CALCRL: variants seen among roughly 807,000 people sequenced by gnomAD.
The protein encoded by CALCRL is calcitonin gene-related peptide type 1 receptor.
A neutral mutation model predicts 60.4 loss-of-function variants in CALCRL; 27 were observed. That is an observed-to-expected ratio of 0.45 (90% confidence interval 0.33 to 0.62). The LOEUF (loss-of-function observed/expected upper bound fraction) is 0.62. CALCRL is among the 20% of genes least tolerant of loss of function. CALCRL has a pLI of 0.03. For synonymous variants in CALCRL, 190 were observed against 182.6 expected (o/e 1.04, Z -0.33); for missense variants, 424 against 540.7 (o/e 0.78, Z 2.14).
intron 5 of CALCRL, among the ~76,000 whole-genome samples, chr2:187,381,353 TTAAA>T (rs1687977953): frequency 6.6e-6 from 1 of 152,166 alleles, no homozygotes; most frequent in Non-Finnish European, 1.5e-5. Flanking sequence ...TTCTCCAAAA[TTAAA>T]TAAAGAACTT....
rs929968898 is a variant in CALCRL, at chr2:187,413,762, C to A, written c.-292-26006G>T. Among the ~76,000 whole-genome samples, 4 of 152,130 alleles carry A rather than the reference C, an allele frequency of 2.6e-5. No homozygotes were observed. In the East Asian group the frequency reaches 7.7e-4, roughly 29 times the overall value. Reference sequence around the variant, plus strand: ...GATGTAAAATACCAGAGAGGGAAATCCAGAGTTGCTTTGGTCACATTTACA... The same window carrying A: ...GATGTAAAATACCAGAGAGGGAAATACAGAGTTGCTTTGGTCACATTTACA... On this transcript the variant is annotated intron_variant, in intron 1 of 14. Coordinates refer to ENST00000392370, the MANE Select transcript of CALCRL (RefSeq NM_005795.6).
chr2:187,400,178 T>C (rs2105821625), intron 1 of CALCRL, among the ~76,000 whole-genome samples: 1 of 151,644 alleles, frequency 6.6e-6, no homozygotes, highest in African/African-American at 2.4e-5. Flanking sequence ...ACATTGTATG[T>C]ATTGAAATAT....
At chr2:187,405,531 C>T (rs1315406840) in intron 1 of CALCRL, among the ~76,000 whole-genome samples, 2 of 151,898 alleles carry the variant, frequency 1.3e-5, no homozygotes, top group African/African-American at 2.4e-5. Flanking sequence ...CTCATCATCC[C>T]GAGGACAGTA....
At chr2:187,425,034 T>A (rs1312141263) in intron 1 of CALCRL, among the ~76,000 whole-genome samples, 1 of 151,758 alleles carries the variant, frequency 6.6e-6, no homozygotes, top group Non-Finnish European at 1.5e-5. Context: ...AGTTTGGGGG[T>A]CTAATGGACT....
chr2:187,390,130 C>A (rs1443515951), intron 1 of CALCRL, among the ~76,000 whole-genome samples: 3 of 152,078 alleles, frequency 2.0e-5, no homozygotes, highest in Non-Finnish European at 4.4e-5. Flanking sequence ...TACAAGTCTA[C>A]TTTCTTACAA....
intron 1 of CALCRL, among the ~76,000 whole-genome samples, chr2:187,417,486 CT>C (rs1255666492): frequency 6.6e-6 from 1 of 152,004 alleles, no homozygotes; most frequent in African/African-American, 2.4e-5. Flanking sequence ...AAATATATGC[CT>C]GTGTTACAGA....
chr2:187,391,617 T>A (rs901426834), intron 1 of CALCRL, among the ~76,000 whole-genome samples: 3 of 152,146 alleles, frequency 2.0e-5, no homozygotes, highest in Non-Finnish European at 2.9e-5. Flanking sequence ...ATAGTTTCTA[T>A]AAGTACTATT....
At chr2:187,390,778 C>T (rs1688404506) in intron 1 of CALCRL, among the ~76,000 whole-genome samples, 1 of 152,028 alleles carries the variant, frequency 6.6e-6, no homozygotes, top group Admixed American at 6.6e-5. Context: ...CTTGTGTATT[C>T]CTAATCAAGG....
At chr2:187,406,318 CTA>C (rs1210876719) in intron 1 of CALCRL, among the ~76,000 whole-genome samples, 1 of 151,900 alleles carries the variant, frequency 6.6e-6, no homozygotes, top group South Asian at 2.1e-4. Flanking sequence ...TGTTTTAACT[CTA>C]TTTTATAAAA....
At position 187,424,722 on chromosome 2, in the gene CALCRL, G is replaced by A. The variant is rs111334834; in HGVS notation, c.-293+23317C>T. On this transcript the variant is annotated intron_variant, in intron 1 of 14. Transcript: ENST00000392370. The stretch of plus-strand genomic sequence containing the variant: ...AAGGAGAAATGGCAGATTTGAAACC[G>A]TGATAGGTATAAATGAATTGTGGTA... 1.8e-3 allele frequency among the ~76,000 whole-genome samples: 270 copies of A among 152,044 alleles called. 1 individual carries two copies. Among genetic ancestry groups the A allele is most frequent in the African/African-American group, 5.8e-3 (243 of 41,540 alleles).
intron 1 of CALCRL, among the ~76,000 whole-genome samples, chr2:187,397,167 C>T (rs567643569): frequency 2.2e-4 from 33 of 151,714 alleles, no homozygotes; most frequent in Non-Finnish European, 3.8e-4. Flanking sequence ...TATAAGTAAG[C>T]TTATTATACA....
intron 14 of CALCRL, among the ~76,000 whole-genome samples, chr2:187,350,437 A>G (rs1686475455): frequency 6.6e-6 from 1 of 151,454 alleles, no homozygotes; most frequent in African/African-American, 2.4e-5. Flanking sequence ...CATTCTGTCT[A>G]TGCTTCTCTG....
chr2:187,385,568 G>C lies in CALCRL; in HGVS notation c.28C>G (p.Leu10Val). 6.4e-7 allele frequency: 1 copy of C among 1,553,568 alleles called. No homozygotes were observed. Among genetic ancestry groups the C allele is most frequent in the Non-Finnish European group, 8.8e-7 (1 of 1,133,300 alleles). Residue 10 changes from leucine (L) to valine (V), a missense_variant, in exon 4 of 15, where the codon CTG becomes GTG. Physicochemically the swap from Leu to Val is conservative, Grantham distance 32 (BLOSUM62 1). This residue lies in a region of CALCRL where 108 missense variants were observed against 132.9 expected (regional missense o/e 0.81). Coordinates refer to ENST00000392370, the MANE Select transcript of CALCRL (RefSeq NM_005795.6). ...ACCATAAAAAAAGGCAAGAGAACCA[G>C]AAAATACAGGGTACACTTTTTCTCC... Reference protein sequence around the residue: MEKKCTLYFLVLLPFFMILV... With the variant: MEKKCTLYFVVLLPFFMILV...
At position 187,357,017 on chromosome 2, in the gene CALCRL, G is replaced by A. The variant is rs144629248; in HGVS notation, c.909+2046C>T. Among the ~76,000 whole-genome samples, 1,081 of 152,278 alleles carry A rather than the reference G, an allele frequency of 7.1e-3. 7 individuals carry two copies. Among genetic ancestry groups the A allele is most frequent in the African/African-American group, 7.4e-3 (309 of 41,560 alleles). On this transcript the variant is annotated intron_variant, in intron 12 of 14. Transcript: ENST00000392370. ...GTCAGGAAACAACAGATGCTGGAGAGGATGTGGAGAAATAAGAACACTTTT... is the reference window on the plus strand; with the variant it reads ...GTCAGGAAACAACAGATGCTGGAGAAGATGTGGAGAAATAAGAACACTTTT...
chr2:187,383,692 C>G (rs1688081993), intron 4 of CALCRL, among the ~76,000 whole-genome samples: 1 of 152,150 alleles, frequency 6.6e-6, no homozygotes, highest in Non-Finnish European at 1.5e-5. Flanking sequence ...TCCCCTCCCC[C>G]AAAGCCTCTG....
chr2:187,371,626 T>C (rs575322367), intron 8 of CALCRL, among the ~76,000 whole-genome samples: 1 of 152,020 alleles, frequency 6.6e-6, no homozygotes, highest in South Asian at 2.1e-4. Context: ...AGATTAATCA[T>C]GTGGGAGGCT....
intron 14 of CALCRL, among the ~76,000 whole-genome samples, chr2:187,347,231 T>G (rs1686318082): frequency 6.6e-6 from 1 of 151,814 alleles, no homozygotes; most frequent in African/African-American, 2.4e-5. Flanking sequence ...TGAGAACATT[T>G]AAATACATCT....
At position 187,363,160 on chromosome 2, in the gene CALCRL, G is replaced by A. The variant is rs536057772; in HGVS notation, c.627+216C>T. On this transcript the variant is annotated intron_variant, in intron 9 of 14. Coordinates refer to ENST00000392370, the MANE Select transcript of CALCRL (RefSeq NM_005795.6). ...GGGGAATACTGAGAATACTCTGAGG[G>A]AATACTCTGTAGAGTATATGTAGCT... Among the ~76,000 whole-genome samples, 126 of 152,142 alleles carry A rather than the reference G, an allele frequency of 8.3e-4. 3 individuals are homozygous for A. Among genetic ancestry groups the A allele is most frequent in the African/African-American group, 2.9e-3 (120 of 41,526 alleles).
At chr2:187,436,556 C>T (rs1436057637) in intron 1 of CALCRL, 1 of 152,146 alleles carries the variant, frequency 6.6e-6, no homozygotes, top group Non-Finnish European at 1.5e-5. Flanking sequence ...AAATACTTTT[C>T]AGCTCTGATC....
Sources: gnomAD v4.1 joint callset for allele counts (sites outside exome capture counted in the v4.1 genomes callset) on GRCh38, gnomAD v4.1.1 for gene constraint, gnomAD v4.1.1 regional missense constraint, MANE v1.5 for transcripts, NCBI Gene and HGNC (gene_info 2026-07-23, HGNC 2026-07-21) for gene names.